SEPTIN1: variants seen among roughly 807,000 people sequenced by gnomAD.
The protein encoded by SEPTIN1 is septin-1.
Under a neutral mutation model 50.7 loss-of-function variants are expected in SEPTIN1, and 52 were observed. That is an observed-to-expected ratio of 1.03 (90% CI 0.82 to 1.29). SEPTIN1 has a LOEUF of 1.29. Ranked by LOEUF, SEPTIN1 falls within the 50% of genes most tolerant of loss-of-function variation. SEPTIN1 has a pLI of 0.00. For missense variants in SEPTIN1, 455 were observed against 490.7 expected, an observed-to-expected ratio of 0.93 and a Z score of 0.69; for synonymous variants, 204 against 189.1, an observed-to-expected ratio of 1.08 and a Z score of -0.65.
Position 30,381,604 on chromosome 16 carries a change from G to A in SEPTIN1, c.321-131C>T. 2 of 1,452,076 alleles carry A rather than the reference G, an allele frequency of 1.4e-6. No homozygotes were observed. Among genetic ancestry groups the A allele is most frequent in the Non-Finnish European group, 1.9e-6 (2 of 1,059,720 alleles). 89.9% of individuals were successfully genotyped at this position (1,452,076 alleles called of 1,614,324 possible). On this transcript the variant is annotated intron_variant, in intron 4 of 10. Transcript: ENST00000321367. The surrounding 1 kb of genome is among the most constrained non-coding windows in gnomAD (Gnocchi z 4.3). Reference sequence around the variant, plus strand: ...AAAGACATTAAGGGGAACTGGTGGGGGCCTAGGTGAGTCATCAAGAAGCAC... The same window carrying A: ...AAAGACATTAAGGGGAACTGGTGGGAGCCTAGGTGAGTCATCAAGAAGCAC...
intron 8 of SEPTIN1, 123 bp from the exon 9 acceptor site, chr16:30,379,306 C>T: frequency 6.9e-7 from 1 of 1,449,476 alleles, no homozygotes; most frequent in South Asian, 1.2e-5. Flanking sequence ...GTCTGCAGCC[C>T]AGCGACCCCC....
chr16:30,379,740 G>A (rs2049816637), intron 7 of SEPTIN1, 192 bp downstream of exon 7: 2 of 572,224 alleles, frequency 3.5e-6, no homozygotes, highest in Non-Finnish European at 6.1e-6. Context: ...CCGAGTAGCT[G>A]GAATTACAGG....
chr16:30,382,399 G>A lies in SEPTIN1; in HGVS notation c.19-34C>T, dbSNP rs1567426678. The A allele has an allele frequency of 1.9e-6, 3 of 1,579,740 alleles. No individual in the cohort carries two copies. Among genetic ancestry groups the A allele is most frequent in the South Asian group, 2.3e-5 (2 of 88,082 alleles). ...GGGGGTGGACAATATGAGGCTGCTGGCAATGGCAGGCAGGGTCCCCAGGAT... is the reference window on the plus strand; with the variant it reads ...GGGGGTGGACAATATGAGGCTGCTGACAATGGCAGGCAGGGTCCCCAGGAT... On this transcript the variant is annotated intron_variant, in intron 1 of 10. Coordinates refer to ENST00000321367, the MANE Select transcript of SEPTIN1 (RefSeq NM_001365977.2). This position sits in a 1 kb window ranked among gnomAD's most constrained non-coding sequence, Gnocchi z 4.8.
intron 8 of SEPTIN1, 23 bp from the exon 9 acceptor site, chr16:30,379,206 C>G (rs376448850): frequency 1.8e-5 from 29 of 1,612,704 alleles, no homozygotes; most frequent in African/African-American, 2.7e-5. Flanking sequence ...CGGCGCGGAC[C>G]AGCGAACGTC....
Position 30,380,050 on chromosome 16 carries a change from A to G in SEPTIN1, c.574-17T>C, listed in dbSNP as rs1340517890. ...ATCCCGGATCTCAGGGGAAACAGAT[A>G]TAGAGACAGTGTGAAACGGGCCACA... On this transcript the variant is annotated splice_polypyrimidine_tract_variant and intron_variant, in intron 6 of 10. Transcript: ENST00000321367. 3.1e-6 allele frequency: 5 copies of G among 1,599,958 alleles called. No homozygotes were observed. The African/African-American group carries it at 6.7e-5, about 22-fold the overall frequency.
intron 6 of SEPTIN1, chr16:30,380,794 G>C: frequency 3.0e-6 from 1 of 330,276 alleles, no homozygotes; most frequent in Non-Finnish European, 5.7e-6. Flanking sequence ...GAGAAAGAGA[G>C]GCCGAGAGAG....
At chr16:30,382,787 A>G (rs1451057159), upstream of SEPTIN1, 2 of 1,532,358 alleles carry the variant, frequency 1.3e-6, 1 homozygote, top group Admixed American at 3.9e-5. The surrounding 1 kb of genome is among the most constrained non-coding windows in gnomAD (Gnocchi z 4.8). Context: ...CTGTAGCTCC[A>G]TCATCGTGGT....
At position 30,381,338 on chromosome 16, in the gene SEPTIN1, C is replaced by A. The variant is rs202035162; in HGVS notation, c.455+1G>T. On this transcript the variant is annotated splice_donor_variant, in intron 5 of 10. Transcript: ENST00000321367. LOFTEE classifies it high-confidence loss of function. This position sits in a 1 kb window ranked among gnomAD's most constrained non-coding sequence, Gnocchi z 4.3. ...CAGCCCCCAGGATCCCCCCACCAGA[C>A]CCCCGGCCGAAGGGTGAGATGAAGT... 4 of 1,612,300 alleles carry A rather than the reference C, an allele frequency of 2.5e-6. No individual in the cohort carries two copies. Among genetic ancestry groups the A allele is most frequent in the Non-Finnish European group, 3.4e-6 (4 of 1,179,000 alleles).
At chr16:30,379,226 C>T in intron 8 of SEPTIN1, 43 bp from the exon 9 acceptor site, 2 of 1,608,502 alleles carry the variant, frequency 1.2e-6, no homozygotes. Context: ...CAGGGAGTTT[C>T]GGGTCCAACC....
chr16:30,378,802 G>A, intron 9 of SEPTIN1, 102 bp from the exon 10 acceptor site: 3 of 1,204,942 alleles, frequency 2.5e-6, no homozygotes, highest in Non-Finnish European at 3.5e-6. Context: ...TCTAGGAGGC[G>A]GAGCCAGTTC....
chr16:30,379,576 C>A (rs1217791081), intron 7 of SEPTIN1, 42 bp from the exon 8 acceptor site: 2 of 1,450,376 alleles, frequency 1.4e-6, no homozygotes, highest in East Asian at 2.3e-5. Flanking sequence ...GCTCACACGG[C>A]AGAAACTTTC....
upstream of SEPTIN1, chr16:30,382,684 A>T (rs991835331): frequency 6.5e-6 from 10 of 1,531,136 alleles, no homozygotes; most frequent in Admixed American, 1.2e-4. The surrounding 1 kb of genome is among the most constrained non-coding windows in gnomAD (Gnocchi z 4.8). Flanking sequence ...GGCCAAGAAC[A>T]CTTGGGGTTG....
Position 30,381,622 on chromosome 16 carries a change from A to G in SEPTIN1, c.320+138T>C. The G allele has an allele frequency of 2.0e-6, 3 of 1,480,694 alleles. No homozygotes were observed. In the African/African-American group the frequency reaches 4.2e-5, roughly 21 times the overall value. 91.7% of individuals were successfully genotyped at this position (1,480,694 alleles called of 1,614,324 possible). On this transcript the variant is annotated intron_variant, in intron 4 of 10. Transcript: ENST00000321367. The surrounding 1 kb of genome is among the most constrained non-coding windows in gnomAD (Gnocchi z 4.3). ...TGGTGGGGGCCTAGGTGAGTCATCAAGAAGCACAGGGACCCAGTGGCCCTC... is the reference window on the plus strand; with the variant it reads ...TGGTGGGGGCCTAGGTGAGTCATCAGGAAGCACAGGGACCCAGTGGCCCTC...
rs752828203 is a variant in SEPTIN1 at position 30,379,119 on chromosome 16, C to T, written c.840G>A (p.Gln280=). The T allele has an allele frequency of 6.2e-7, 1 of 1,614,168 alleles. No individual in the cohort carries two copies. Among genetic ancestry groups the T allele is most frequent in the Admixed American group, 1.7e-5 (1 of 60,026 alleles). Residue 280 remains glutamine, a synonymous_variant, in exon 9 of 11, where the codon CAG becomes CAA. Coordinates refer to ENST00000321367, the MANE Select transcript of SEPTIN1 (RefSeq NM_001365977.2). The part of the protein sequence containing the change: ...LRRMLVQTHL[Q]DLKEVTHDLL... ...GATCGTGCGTCACCTCTTTCAGGTC[C>T]TGCAGGTGTGTCTGCACCAGCATCC...
At position 30,382,249 on chromosome 16, in the gene SEPTIN1, C is replaced by T. The variant is rs2049860343; in HGVS notation, c.109+26G>A. ...GGGCCTCCTAAGGACATCCCCTCCGCAGTTCCCTCTCCAAAACCCCCAGAC... is the reference window on the plus strand; with the variant it reads ...GGGCCTCCTAAGGACATCCCCTCCGTAGTTCCCTCTCCAAAACCCCCAGAC... On this transcript the variant is annotated intron_variant, in intron 2 of 10. Coordinates refer to ENST00000321367, the MANE Select transcript of SEPTIN1 (RefSeq NM_001365977.2). This position sits in a 1 kb window ranked among gnomAD's most constrained non-coding sequence, Gnocchi z 4.8. The T allele has an allele frequency of 6.2e-7, 1 of 1,613,124 alleles. No homozygotes were observed. The highest frequency in any genetic ancestry group is 1.1e-5 in the South Asian group (1 of 91,040).
In SEPTIN1 at chr16:30,382,499, C is replaced by T. The variant is rs1316046095; in HGVS notation, c.18+26G>A. 6.3e-7 allele frequency: 1 copy of T among 1,598,148 alleles called. No individual in the cohort carries two copies. The highest frequency in any genetic ancestry group is 1.1e-5 in the South Asian group (1 of 89,176). ...GCATGGGGGCTGGGGGCCGAGATGC[C>T]CAGGTTTCTGGGTGTAAGGACTCAC... On this transcript the variant is annotated intron_variant, in intron 1 of 10. Coordinates refer to ENST00000321367, the MANE Select transcript of SEPTIN1 (RefSeq NM_001365977.2). This position sits in a 1 kb window ranked among gnomAD's most constrained non-coding sequence, Gnocchi z 4.8.
At position 30,379,199 on chromosome 16, in the gene SEPTIN1, C is replaced by A. The variant is rs1285121577; in HGVS notation, c.776-16G>T. ...GGGTTCTCCACTGGAGGGGGGGCGG[C>A]GCGGACCAGCGAACGTCAGGGAGTT... On this transcript the variant is annotated splice_polypyrimidine_tract_variant and intron_variant, in intron 8 of 10. Coordinates refer to ENST00000321367, the MANE Select transcript of SEPTIN1 (RefSeq NM_001365977.2). 2 of 1,613,034 alleles carry A rather than the reference C, an allele frequency of 1.2e-6. No homozygotes were observed. The highest frequency in any genetic ancestry group is 2.7e-5 in the African/African-American group (2 of 74,924).
At position 30,379,693 on chromosome 16, in the gene SEPTIN1, G is replaced by C. The variant is rs564764554; in HGVS notation, c.676-159C>G. 3.5e-4 allele frequency: 179 copies of C among 516,338 alleles called. 1 individual carries two copies. The African/African-American group carries it at 4.0e-3, about 12-fold the overall frequency. 32.0% of individuals were successfully genotyped at this position (516,338 alleles called of 1,614,324 possible). A position where few individuals can be genotyped will look rare whatever the true frequency, so the allele number is the denominator to read the frequency against. ...AGACAGGGTCTCACTCCATTGCCCAGGCTGGAGTGTTCAAGTGATTCTCCT... is the reference window on the plus strand; with the variant it reads ...AGACAGGGTCTCACTCCATTGCCCACGCTGGAGTGTTCAAGTGATTCTCCT... On this transcript the variant is annotated intron_variant, in intron 7 of 10. Transcript: ENST00000321367.
chr16:30,382,808 G>A, upstream of SEPTIN1: 3 of 1,534,510 alleles, frequency 2.0e-6, no homozygotes, highest in Non-Finnish European at 2.6e-6. This position sits in a 1 kb window ranked among gnomAD's most constrained non-coding sequence, Gnocchi z 4.8. Context: ...GAGACATGGG[G>A]TATGTGCAGA....
Sources: gnomAD v4.1 joint callset for allele counts on GRCh38, gnomAD v4.1.1 for gene constraint, Gnocchi (gnomAD v3.1) non-coding constraint, MANE v1.5 for transcripts, NCBI Gene and HGNC (gene_info 2026-07-23, HGNC 2026-07-21) for gene names.